CDH18: variants seen among roughly 807,000 people sequenced by gnomAD.
CDH18 encodes the protein cadherin-18.
Under a neutral mutation model 67.9 loss-of-function variants are expected in CDH18, and 31 were observed. The observed-to-expected ratio is 0.46, with a 90% CI of 0.34 to 0.62. The LOEUF is 0.62. Ranked by LOEUF, CDH18 falls within the 20% of genes least tolerant of loss-of-function variation. The probability of loss-of-function intolerance (pLI) is 0.01; values close to 1 mark genes in which losing one functional copy is unlikely to be tolerated. For synonymous variants in CDH18, 362 were observed against 347.2 expected (o/e 1.04, Z -0.48); for missense variants, 890 against 975.5 (o/e 0.91, Z 1.17).
At chr5:19,641,210 A>G (rs1753953098) in intron 5 of CDH18, among the ~76,000 whole-genome samples, 1 of 151,890 alleles carries the variant, frequency 6.6e-6, no homozygotes, top group South Asian at 2.1e-4. Context: ...AAAGCCCAAC[A>G]AACAAAAGCT....
At chr5:19,699,848 A>C (rs1763007667) in intron 5 of CDH18, among the ~76,000 whole-genome samples, 1 of 151,906 alleles carries the variant, frequency 6.6e-6, no homozygotes, top group Non-Finnish European at 1.5e-5. Flanking sequence ...AGCAGCCCAA[A>C]CTGGGGGTGG....
chr5:20,519,942 CTTTTTTTTTTTTTTTTTTTTTTTTTTTT>C (rs777265512), intron 1 of CDH18, among the ~76,000 whole-genome samples: 2 of 41,674 alleles, frequency 4.8e-5, no homozygotes, highest in East Asian at 1.2e-3. Context: ...ACAGTCTTGG[CTTTTTTTTTTTTTTTTTTTTTTTTTTTT>C]TTTTTTTTTT....
intron 2 of CDH18, among the ~76,000 whole-genome samples, chr5:20,008,424 A>C (rs190499478): frequency 6.6e-6 from 1 of 152,238 alleles, no homozygotes; most frequent in Admixed American, 6.5e-5. Context: ...GTGGAGTGAA[A>C]AATTATGAGA....
intron 3 of CDH18, among the ~76,000 whole-genome samples, chr5:19,761,672 TA>T (rs1772368875): frequency 6.6e-6 from 1 of 152,086 alleles, no homozygotes; most frequent in Non-Finnish European, 1.5e-5. Context: ...CTGCCCAAGG[TA>T]ATTTATAGAT....
At chr5:20,007,232 A>G (rs868050932) in intron 2 of CDH18, among the ~76,000 whole-genome samples, 2 of 152,156 alleles carry the variant, frequency 1.3e-5, no homozygotes, top group Non-Finnish European at 1.5e-5. Context: ...TATATTACCA[A>G]GTGCATTTCA....
At chr5:20,508,232 C>A (rs1458290468) in intron 1 of CDH18, among the ~76,000 whole-genome samples, 30 of 150,278 alleles carry the variant, frequency 2.0e-4, no homozygotes, top group African/African-American at 7.3e-4. Flanking sequence ...GAGTTCAAGG[C>A]TCAGAAATTC....
chr5:20,141,024 C>T (rs1462708720), intron 2 of CDH18, among the ~76,000 whole-genome samples: 1 of 152,170 alleles, frequency 6.6e-6, no homozygotes, highest in Non-Finnish European at 1.5e-5. Flanking sequence ...GAATCTGCTT[C>T]TCCAACAGCC....
At chr5:20,340,981 G>A (rs938173248) in intron 1 of CDH18, among the ~76,000 whole-genome samples, 2 of 152,018 alleles carry the variant, frequency 1.3e-5, no homozygotes, top group African/African-American at 2.4e-5. Flanking sequence ...CAAACACTTT[G>A]TCTTCCCCTG....
chr5:20,340,745 G>A (rs561441157), intron 1 of CDH18, among the ~76,000 whole-genome samples: 57 of 152,312 alleles, frequency 3.7e-4, no homozygotes, highest in African/African-American at 1.3e-3. Flanking sequence ...ACTGGAGTGA[G>A]CCTTTCTGAT....
chr5:19,748,123 AAAAAAAAAAAG>A (rs939407650), intron 3 of CDH18, among the ~76,000 whole-genome samples: 4 of 143,562 alleles, frequency 2.8e-5, no homozygotes, highest in Non-Finnish European at 6.1e-5. Context: ...AAAAAAAAAA[AAAAAAAAAAAG>A]AGTACTTTTT....
At chr5:20,318,629 C>G (rs909570371) in intron 1 of CDH18, among the ~76,000 whole-genome samples, 1 of 152,072 alleles carries the variant, frequency 6.6e-6, no homozygotes, top group Admixed American at 6.6e-5. Context: ...TAAGAAGTGT[C>G]AGCTTCCCCT....
intron 2 of CDH18, among the ~76,000 whole-genome samples, chr5:20,099,282 C>T (rs1268066352): frequency 6.6e-6 from 1 of 152,112 alleles, no homozygotes; most frequent in Admixed American, 6.5e-5. Context: ...GATTAACAAT[C>T]CTGGCTTCTA....
intron 1 of CDH18, among the ~76,000 whole-genome samples, chr5:20,483,811 C>T (rs1469416364): frequency 6.6e-6 from 1 of 151,842 alleles, no homozygotes; most frequent in Admixed American, 6.6e-5. Flanking sequence ...AATCTAAGAC[C>T]TCAAACTATG....
At chr5:20,344,258 TA>T (rs1329331055) in intron 1 of CDH18, among the ~76,000 whole-genome samples, 1 of 152,142 alleles carries the variant, frequency 6.6e-6, no homozygotes, top group African/African-American at 2.4e-5. Context: ...TCAAAGAGGT[TA>T]TTAATGCTTG....
intron 1 of CDH18, among the ~76,000 whole-genome samples, chr5:20,522,270 C>A (rs959043263): frequency 1.3e-5 from 2 of 152,142 alleles, no homozygotes; most frequent in Admixed American, 6.5e-5. Context: ...ATTTAAGCCA[C>A]CTAGTTTCTG....
intron 2 of CDH18, among the ~76,000 whole-genome samples, chr5:20,124,979 G>A (rs1748694764): frequency 6.6e-6 from 1 of 152,122 alleles, no homozygotes; most frequent in African/African-American, 2.4e-5. Flanking sequence ...TATGAGGATT[G>A]CAGGAGTTTG....
intron 1 of CDH18, among the ~76,000 whole-genome samples, chr5:20,395,103 G>A (rs1189346947): frequency 6.6e-6 from 1 of 152,082 alleles, no homozygotes; most frequent in Non-Finnish European, 1.5e-5. Context: ...TCTACCCAAA[G>A]GAAAATAAGT....
rs576729808 is a variant in CDH18 at position 20,246,252 on chromosome 5, C to A, written c.-518+9192G>T. ...TTTTATAAAACCACCTTATAAAAATCCTCTCTCAGTTGCACAAACTTTATT... is the reference window on the plus strand; with the variant it reads ...TTTTATAAAACCACCTTATAAAAATACTCTCTCAGTTGCACAAACTTTATT... On this transcript the variant is annotated intron_variant, in intron 2 of 14. Transcript: ENST00000507958. 2.0e-5 allele frequency among the ~76,000 whole-genome samples: 3 copies of A among 152,140 alleles called. No individual in the cohort carries two copies. The East Asian group carries it at 5.8e-4, about 29-fold the overall frequency.
At position 20,186,198 on chromosome 5, in the gene CDH18, T is replaced by A. The variant is rs188091600; in HGVS notation, c.-518+69246A>T. Among the ~76,000 whole-genome samples, 47 of 152,056 alleles carry A rather than the reference T, an allele frequency of 3.1e-4. 2 individuals are homozygous for A. Among genetic ancestry groups the A allele is most frequent in the East Asian group, 2.7e-3 (14 of 5,158 alleles). On this transcript the variant is annotated intron_variant, in intron 2 of 14. Coordinates refer to the CDH18 transcript ENST00000507958. ...TATAAGCCCTAAAACTACAAGACAA[T>A]TAGTAGAAAACATGGGAAACATTGT... is the stretch of plus-strand genomic sequence containing the variant.
Sources: gnomAD v4.1 joint callset for allele counts (sites outside exome capture counted in the v4.1 genomes callset) on GRCh38, gnomAD v4.1.1 for gene constraint, MANE v1.5 for transcripts, NCBI Gene and HGNC (gene_info 2026-07-23, HGNC 2026-07-21) for gene names.